The following CHD5 variants were observed in gnomAD, a reference collection of about 807,000 sequenced individuals.
The protein encoded by CHD5 is ATP-dependent chromatin remodeler CHD5.
A neutral mutation model predicts 230.3 loss-of-function variants in CHD5; 69 were observed. The ratio of observed to expected loss-of-function variants is 0.30; its 90% CI spans 0.25 to 0.37. CHD5 has a LOEUF of 0.37. CHD5 is among the 10% of genes least tolerant of loss of function. CHD5 has a pLI of 1.00. For synonymous variants in CHD5, 1,064 were observed against 1,065.9 expected (o/e 1.00, Z 0.03); for missense variants, 1,827 against 2,622.8 (o/e 0.70, Z 6.63).
chr1:6,107,015 T>A (rs1571134816), intron 38 of CHD5, among the ~76,000 whole-genome samples: 2 of 75,494 alleles, frequency 2.6e-5, no homozygotes, highest in African/African-American at 5.4e-5. Flanking sequence ...GGAGGGATGA[T>A]GGAGGGATAA....
rs150572969 is a variant in CHD5, at chr1:6,152,465, C to G, written c.817G>C (p.Gly273Arg). The G allele has an allele frequency of 9.3e-6, 15 of 1,614,074 alleles. No individual in the cohort carries two copies. The highest frequency in any genetic ancestry group is 5.5e-5 in the South Asian group (5 of 91,088). Residue 273 changes from glycine to arginine, a missense_variant, in exon 6 of 42, where the codon GGG (glycine) becomes CGG (arginine). This residue lies in a region of CHD5 where 657 missense variants were observed against 816.4 expected (regional missense o/e 0.80). Coordinates refer to ENST00000262450, the MANE Select transcript of CHD5 (RefSeq NM_015557.3). ...KKKGKGKKTA[G>R]LKFRFGGISN... is the part of the protein sequence containing the mutation. ...ATCCCCCCGAAGCGGAACTTGAGCCCGGCCGTCTTTTTCCCTTTGCCCTTT... is the reference window on the plus strand; with the variant it reads ...ATCCCCCCGAAGCGGAACTTGAGCCGGGCCGTCTTTTTCCCTTTGCCCTTT...
At chr1:6,137,312 G>C (rs964436491) in intron 15 of CHD5, among the ~76,000 whole-genome samples, 3 of 152,116 alleles carry the variant, frequency 2.0e-5, no homozygotes, top group Non-Finnish European at 2.9e-5. Context: ...TCACCATGTT[G>C]CTGAAGCTGG....
intron 2 of CHD5, among the ~76,000 whole-genome samples, chr1:6,163,661 A>C (rs1667210862): frequency 6.6e-6 from 1 of 152,188 alleles, no homozygotes; most frequent in African/African-American, 2.4e-5. Context: ...ACGATCAAGA[A>C]CCAGAGGCAG....
At chr1:6,148,309 C>T (rs1322408167) in intron 9 of CHD5, among the ~76,000 whole-genome samples, 5 of 152,044 alleles carry the variant, frequency 3.3e-5, no homozygotes, top group African/African-American at 1.2e-4. Context: ...CTGAGGCTCC[C>T]GCCCTAGGAG....
At chr1:6,119,090 A>C (rs1666422890) in intron 33 of CHD5, among the ~76,000 whole-genome samples, 1 of 151,520 alleles carries the variant, frequency 6.6e-6, no homozygotes, top group Admixed American at 6.6e-5. Context: ...GAATAGAAAA[A>C]GGCGTAACAA....
Position 6,127,532 on chromosome 1 carries a change from G to A in CHD5, c.3903+514C>T, listed in dbSNP as rs536132133. ...TTGTGGGCCGTCCTGGAACGTTGGC[G>A]GTCCAGGTGCAGGGCCGAGATGCAG... On this transcript the variant is annotated intron_variant, in intron 25 of 41. Coordinates refer to ENST00000262450, the MANE Select transcript of CHD5 (RefSeq NM_015557.3). 1.8e-3 allele frequency among the ~76,000 whole-genome samples: 272 copies of A among 152,252 alleles called. 2 individuals carry two copies. The highest frequency in any genetic ancestry group is 6.3e-3 in the African/African-American group (262 of 41,560).
At position 6,135,417 on chromosome 1, in the gene CHD5, C is replaced by G; in HGVS notation, c.2697-14G>C. The G allele has an allele frequency of 6.3e-7, 1 of 1,593,582 alleles. No individual in the cohort carries two copies. The highest frequency in any genetic ancestry group is 8.6e-7 in the Non-Finnish European group (1 of 1,168,590). On this transcript the variant is annotated splice_polypyrimidine_tract_variant and intron_variant, in intron 17 of 41. Coordinates refer to ENST00000262450, the MANE Select transcript of CHD5 (RefSeq NM_015557.3). ...CCCTCCAGGTTGCTGCAACAAAAAG[C>G]TGGGATAACAGCCAGGAGCAGAGGA... is the stretch of plus-strand genomic sequence containing the variant.
intron 1 of CHD5, among the ~76,000 whole-genome samples, chr1:6,171,400 G>A (rs935685759): frequency 3.9e-5 from 6 of 152,132 alleles, no homozygotes; most frequent in Admixed American, 6.5e-5. Flanking sequence ...ACACGGAGAC[G>A]GGGACTCAGC....
At chr1:6,127,094 G>A (rs549742107) in intron 25 of CHD5, 11 of 299,072 alleles carry the variant, frequency 3.7e-5, no homozygotes, top group African/African-American at 2.2e-4. Flanking sequence ...AGGTCTGCAC[G>A]GAGGGTGGGG....
chr1:6,112,880 C>T, intron 34 of CHD5, 29 bp downstream of exon 34: 4 of 1,552,566 alleles, frequency 2.6e-6, no homozygotes, highest in Non-Finnish European at 3.5e-6. Flanking sequence ...CCATGGGGCA[C>T]AGGTAGAGAA....
Position 6,154,815 on chromosome 1 carries a change from G to T in CHD5, c.590C>A (p.Ala197Asp). The T allele has an allele frequency of 6.2e-7, 1 of 1,613,878 alleles. No individual in the cohort carries two copies. Among genetic ancestry groups the T allele is most frequent in the Middle Eastern group, 1.7e-4 (1 of 6,050 alleles). ...GGAGCTGCCCTTGAAGGGGTTGTTG[G>T]CGCTGAACTCCCGCCACTTGGCACC... ...VLGAKWREFS[A>D]NNPFKGSSAA... Residue 197 changes from alanine to aspartate, a missense_variant, in exon 5 of 42, where the codon GCC (alanine) becomes GAC (aspartate). Physicochemically the swap from Ala to Asp is moderately radical, Grantham distance 126 (BLOSUM62 -2). Coordinates refer to ENST00000262450, the MANE Select transcript of CHD5 (RefSeq NM_015557.3). This position sits in a 1 kb window ranked among gnomAD's most constrained non-coding sequence, Gnocchi z 7.0.
chr1:6,163,335 C>T (rs542219961), intron 2 of CHD5, among the ~76,000 whole-genome samples: 2 of 152,332 alleles, frequency 1.3e-5, no homozygotes, highest in East Asian at 3.9e-4. Flanking sequence ...GCCCAAGTCC[C>T]CACCTGCCTC....
Position 6,155,721 on chromosome 1 carries a change from C to A in CHD5, c.388-4G>T, listed in dbSNP as rs764577598. ...GCTGCCCCGAGGACTTGGGCTCCTA[C>A]AGAGACCCAGGCCAGAGGTAGAGTT... On this transcript the variant is annotated splice_region_variant and splice_polypyrimidine_tract_variant and intron_variant, in intron 3 of 41. Coordinates refer to ENST00000262450, the MANE Select transcript of CHD5 (RefSeq NM_015557.3). The surrounding 1 kb of genome is among the most constrained non-coding windows in gnomAD (Gnocchi z 4.0). 1 of 1,612,114 alleles carries A rather than the reference C, an allele frequency of 6.2e-7. No homozygotes were observed. Among genetic ancestry groups the A allele is most frequent in the South Asian group, 1.1e-5 (1 of 91,016 alleles).
chr1:6,113,105 G>T (rs559392178), intron 33 of CHD5, 107 bp from the exon 34 acceptor site: 5 of 778,932 alleles, frequency 6.4e-6, no homozygotes, highest in South Asian at 2.9e-5. Context: ...AATATGTTCC[G>T]CAGAGTCCAA....
At position 6,142,399 on chromosome 1, in the gene CHD5, G is replaced by A. The variant is rs1382306432; in HGVS notation, c.2235+15C>T. ...GACCAGCCACCCCTCCTGGCCGCCT[G>A]CCCCGCCTGCCCACCTCCTTGTAGA... On this transcript the variant is annotated intron_variant, in intron 14 of 41. Transcript: ENST00000262450. This position sits in a 1 kb window ranked among gnomAD's most constrained non-coding sequence, Gnocchi z 5.2. 18 of 1,598,936 alleles carry A rather than the reference G, an allele frequency of 1.1e-5. No homozygotes were observed. The highest frequency in any genetic ancestry group is 1.5e-5 in the Non-Finnish European group (17 of 1,168,854).
At chr1:6,169,782 GC>G (rs1353354858) in intron 1 of CHD5, among the ~76,000 whole-genome samples, 1 of 152,090 alleles carries the variant, frequency 6.6e-6, no homozygotes. Context: ...CGGCCCCAGC[GC>G]CCCAGCCAGC....
rs145030669 is a variant in CHD5, at chr1:6,106,500, C to G, written c.5752G>C (p.Gly1918Arg). Residue 1918 changes from glycine to arginine, a missense_variant, in exon 40 of 42, where the codon GGC becomes CGC. Physicochemically the swap from Gly to Arg is moderately radical, Grantham distance 125 (BLOSUM62 -2). Transcript: ENST00000262450. ...TTGTTGCTGTACATCTGGGAGGAGC[C>G]GAAAGCGCCCTGGAGGCAAGGACTC... ...GDPTIQQGAF[G>R]SSQMYSNNFG... The G allele has an allele frequency of 8.8e-5, 136 of 1,552,074 alleles. No individual in the cohort carries two copies. Among genetic ancestry groups the G allele is most frequent in the Admixed American group, 9.8e-5 (5 of 51,120 alleles).
chr1:6,144,757 T>A (rs1557551754), intron 11 of CHD5, among the ~76,000 whole-genome samples: 1 of 151,922 alleles, frequency 6.6e-6, no homozygotes, highest in Non-Finnish European at 1.5e-5. Context: ...GCCAGAGGAG[T>A]GCTGGAGGGC....
chr1:6,132,476 C>A (rs1445616775), intron 20 of CHD5, among the ~76,000 whole-genome samples: 1 of 152,202 alleles, frequency 6.6e-6, no homozygotes, highest in East Asian at 1.9e-4. Flanking sequence ...CACTCCAGAT[C>A]TGAGACCTCA....
Sources: gnomAD v4.1 joint callset for allele counts (sites outside exome capture counted in the v4.1 genomes callset) on GRCh38, gnomAD v4.1.1 for gene constraint, gnomAD v4.1.1 regional missense constraint, Gnocchi (gnomAD v3.1) non-coding constraint, MANE v1.5 for transcripts, NCBI Gene and HGNC (gene_info 2026-07-23, HGNC 2026-07-21) for gene names.